Variants in PTPRG observed in about 807,000 individuals in gnomAD.
PTPRG encodes protein tyrosine phosphatase receptor type G, also known as receptor-type tyrosine-protein phosphatase gamma.
In PTPRG, 102 loss-of-function variants were observed where a neutral mutation model predicts 165.3. The ratio of observed to expected loss-of-function variants is 0.62; its 90% CI spans 0.53 to 0.73. The LOEUF (loss-of-function observed/expected upper bound fraction) is 0.73, where lower values mean the gene tolerates loss of function less well. Among genes scored for constraint, PTPRG ranks in the 30% least tolerant of loss-of-function variants. PTPRG has a pLI of 0.00. For synonymous variants in PTPRG, 675 were observed against 669.5 expected (o/e 1.01, Z -0.13); for missense variants, 1,866 against 1,861.4 (o/e 1.00, Z -0.05).
intron 2 of PTPRG, among the ~76,000 whole-genome samples, chr3:61,849,811 G>C (rs1031304940): frequency 6.6e-6 from 1 of 152,172 alleles, no homozygotes; most frequent in Non-Finnish European, 1.5e-5. Flanking sequence ...GACTTTGCTG[G>C]GAGCCATCGT....
At chr3:62,292,385 A>G (rs748102024) in intron 28 of PTPRG, 36 bp from the exon 29 acceptor site, 1 of 1,595,262 alleles carries the variant, frequency 6.3e-7, no homozygotes. Context: ...GTCCCTTTGT[A>G]CATCTGAAAT....
intron 2 of PTPRG, among the ~76,000 whole-genome samples, chr3:61,941,738 C>A (rs1443481145): frequency 6.6e-6 from 1 of 152,058 alleles, no homozygotes; most frequent in African/African-American, 2.4e-5. Flanking sequence ...TTTTTTTGGT[C>A]TTTAAAAACA....
At chr3:61,832,699 ATT>A (rs955692989) in intron 2 of PTPRG, among the ~76,000 whole-genome samples, 1 of 152,120 alleles carries the variant, frequency 6.6e-6, no homozygotes, top group Non-Finnish European at 1.5e-5. Flanking sequence ...TAAAAAAAAT[ATT>A]TATTTCTAGT....
intron 2 of PTPRG, among the ~76,000 whole-genome samples, chr3:61,785,272 G>A (rs754806694): frequency 1.3e-5 from 2 of 152,148 alleles, no homozygotes; most frequent in Non-Finnish European, 2.9e-5. Flanking sequence ...GTCCACACTA[G>A]GGATTTGTTT....
At chr3:62,272,387 A>G (rs1008562406) in intron 21 of PTPRG, among the ~76,000 whole-genome samples, 7 of 152,204 alleles carry the variant, frequency 4.6e-5, no homozygotes, top group Non-Finnish European at 8.8e-5. Context: ...ACAGTAAATG[A>G]CTTTAGTTGG....
chr3:62,206,669 A>C (rs1700236845), intron 12 of PTPRG, among the ~76,000 whole-genome samples: 1 of 152,080 alleles, frequency 6.6e-6, no homozygotes. Flanking sequence ...GCAGTGGCTC[A>C]CTCCTGTAGT....
chr3:61,653,211 C>T (rs374669613), intron 1 of PTPRG, among the ~76,000 whole-genome samples: 3 of 151,838 alleles, frequency 2.0e-5, no homozygotes, highest in African/African-American at 7.3e-5. Flanking sequence ...ATAGGAAAGA[C>T]GTATTGTACA....
At chr3:61,757,219 C>T (rs1306261557) in intron 2 of PTPRG, among the ~76,000 whole-genome samples, 2 of 152,018 alleles carry the variant, frequency 1.3e-5, no homozygotes, top group East Asian at 1.9e-4. Flanking sequence ...AAGTTAATTG[C>T]GGTTATCATT....
intron 1 of PTPRG, among the ~76,000 whole-genome samples, chr3:61,627,063 G>A (rs1249308304): frequency 4.8e-4 from 73 of 151,734 alleles, no homozygotes; most frequent in Admixed American, 4.7e-3. Flanking sequence ...CAAATGCAGT[G>A]TGTGGACTTT....
chr3:61,702,814 G>A (rs1487853561), intron 1 of PTPRG, among the ~76,000 whole-genome samples: 2 of 152,224 alleles, frequency 1.3e-5, no homozygotes, highest in African/African-American at 4.8e-5. Context: ...ACGTGATGTT[G>A]TGCGGTACTT....
In PTPRG at chr3:62,245,730, C is replaced by T. The variant is rs1168342386; in HGVS notation, c.2467+1832C>T. Among the ~76,000 whole-genome samples, 1 of 152,052 alleles carries T rather than the reference C, an allele frequency of 6.6e-6. No homozygotes were observed. Among genetic ancestry groups the T allele is most frequent in the Non-Finnish European group, 1.5e-5 (1 of 68,000 alleles). ...TTTGGAAACCATACATTAAGCGAAA[C>T]GTGTAAGCTGTTGCAACTTTCCTTC... On this transcript the variant is annotated intron_variant, in intron 15 of 29. Transcript: ENST00000474889. The surrounding 1 kb of genome is among the most constrained non-coding windows in gnomAD (Gnocchi z 4.2).
chr3:61,836,733 G>GTTT (rs1279265531), intron 2 of PTPRG, among the ~76,000 whole-genome samples: 1 of 33,448 alleles, frequency 3.0e-5, no homozygotes, highest in African/African-American at 2.5e-4. Flanking sequence ...TGTTGTTGTT[G>GTTT]TTGTTTTTTG....
intron 2 of PTPRG, among the ~76,000 whole-genome samples, chr3:61,983,314 G>C (rs1199172198): frequency 1.3e-5 from 2 of 152,036 alleles, no homozygotes; most frequent in African/African-American, 2.4e-5. Flanking sequence ...CGGATAAAAA[G>C]CATTAATTAT....
At chr3:62,289,262 G>A (rs1702783532) in intron 28 of PTPRG, among the ~76,000 whole-genome samples, 2 of 152,196 alleles carry the variant, frequency 1.3e-5, no homozygotes, top group South Asian at 4.1e-4. Context: ...GTCAGTACAT[G>A]TAAATACCTA....
At chr3:61,702,721 A>G (rs947154687) in intron 1 of PTPRG, among the ~76,000 whole-genome samples, 1 of 152,180 alleles carries the variant, frequency 6.6e-6, no homozygotes, top group African/African-American at 2.4e-5. Flanking sequence ...TCCACTCACC[A>G]TACAGATAGA....
At chr3:62,223,254 G>A (rs1228123156) in intron 13 of PTPRG, among the ~76,000 whole-genome samples, 2 of 152,164 alleles carry the variant, frequency 1.3e-5, no homozygotes, top group Non-Finnish European at 2.9e-5. Flanking sequence ...ACACTACTGT[G>A]TCTAGAGACT....
Position 61,571,008 on chromosome 3 carries a change from C to T in PTPRG, c.85+8636C>T, listed in dbSNP as rs77462120. Among the ~76,000 whole-genome samples, 827 of 152,178 alleles carry T rather than the reference C, an allele frequency of 5.4e-3. 19 individuals carry two copies. In the East Asian group the frequency reaches 0.067, roughly 12 times the overall value. On this transcript the variant is annotated intron_variant, in intron 1 of 29. Coordinates refer to ENST00000474889, the MANE Select transcript of PTPRG (RefSeq NM_002841.4). ...AGAATCCACACCAAAACCACAGAGACCTGGGTTGAAATTCTTAGTTCATTA... is the reference window on the plus strand; with the variant it reads ...AGAATCCACACCAAAACCACAGAGATCTGGGTTGAAATTCTTAGTTCATTA...
intron 2 of PTPRG, among the ~76,000 whole-genome samples, chr3:61,894,043 C>A (rs2038285117): frequency 6.6e-6 from 1 of 151,984 alleles, no homozygotes; most frequent in African/African-American, 2.4e-5. Flanking sequence ...AATGGTCACG[C>A]CTCTAATCCC....
chr3:61,830,444 A>G (rs1451067499), intron 2 of PTPRG, among the ~76,000 whole-genome samples: 1 of 152,172 alleles, frequency 6.6e-6, no homozygotes, highest in Non-Finnish European at 1.5e-5. Context: ...TTTTAAATAG[A>G]AAACAAACTT....
Sources: gnomAD v4.1 joint callset for allele counts (sites outside exome capture counted in the v4.1 genomes callset) on GRCh38, gnomAD v4.1.1 for gene constraint, Gnocchi (gnomAD v3.1) non-coding constraint, MANE v1.5 for transcripts, NCBI Gene and HGNC (gene_info 2026-07-23, HGNC 2026-07-21) for gene names.